The following FBLIM1 variants were observed in gnomAD, a reference collection of about 807,000 sequenced individuals.
The protein encoded by FBLIM1 is filamin-binding LIM protein 1.
FBLIM1 carries 29 observed loss-of-function variants against 37.4 expected under a neutral mutation model. That is an observed-to-expected ratio of 0.77 (90% confidence interval 0.58 to 1.06). The LOEUF is 1.06. Ranked by LOEUF, FBLIM1 falls within the 50% of genes least tolerant of loss-of-function variation. The probability of loss-of-function intolerance (pLI) is 0.00; values close to 1 mark genes in which losing one functional copy is unlikely to be tolerated. For missense variants in FBLIM1, 449 were observed against 505.6 expected (o/e 0.89, Z 1.07); for synonymous variants, 193 against 199.0 (o/e 0.97, Z 0.25).
In FBLIM1 at chr1:15,786,161, C is replaced by A. The variant is rs2069762605; in HGVS notation, c.*1500C>A. On this transcript the variant is annotated 3_prime_UTR_variant, in exon 9 of 9. Coordinates refer to ENST00000375766, the MANE Select transcript of FBLIM1 (RefSeq NM_017556.4). ...TCCTCAAGACCACACCTGGAAGATTCTTCTTCCCTTTGAAGGAGAATCATC... is the reference window on the plus strand; with the variant it reads ...TCCTCAAGACCACACCTGGAAGATTATTCTTCCCTTTGAAGGAGAATCATC... 1 of 152,274 alleles carries A rather than the reference C, an allele frequency of 6.6e-6. No homozygotes were observed. The highest frequency in any genetic ancestry group is 2.1e-4 in the South Asian group (1 of 4,832). 9.4% of individuals were successfully genotyped at this position (152,274 alleles called of 1,614,324 possible).
intron 6 of FBLIM1, among the ~76,000 whole-genome samples, chr1:15,773,477 G>A (rs897240874): frequency 4.6e-5 from 7 of 151,372 alleles, no homozygotes; most frequent in Admixed American, 1.3e-4. Flanking sequence ...TCAGGAGTTC[G>A]AGACCAGCCT....
At chr1:15,777,804 C>A (rs1447104002) in intron 8 of FBLIM1, among the ~76,000 whole-genome samples, 2 of 152,060 alleles carry the variant, frequency 1.3e-5, no homozygotes, top group African/African-American at 4.8e-5. Flanking sequence ...AACTCCTGAC[C>A]TCAGGTGATC....
rs763639019 is a variant in FBLIM1 at position 15,770,445 on chromosome 1, G to A, written c.578G>A (p.Arg193Gln). Residue 193 changes from arginine (R) to glutamine (Q), a missense_variant, in exon 6 of 9, where the codon CGA (arginine) becomes CAA (glutamine). Arg to Gln is a conservative substitution (Grantham distance 43). Coordinates refer to ENST00000375766, the MANE Select transcript of FBLIM1 (RefSeq NM_017556.4). ...CAFCHKTVSPRELAVEAMKRQ... is the reference protein window; with the variant it reads ...CAFCHKTVSPQELAVEAMKRQ... The stretch of plus-strand genomic sequence containing the variant: ...TTCTGCCACAAGACCGTGTCCCCCC[G>A]AGAGCTGGCTGTGGAGGCCATGAAG... The A allele has an allele frequency of 7.4e-6, 12 of 1,613,506 alleles. No homozygotes were observed. Among genetic ancestry groups the A allele is most frequent in the Non-Finnish European group, 1.0e-5 (12 of 1,179,962 alleles).
chr1:15,779,768 A>T (rs1339020688), intron 8 of FBLIM1, among the ~76,000 whole-genome samples: 4 of 152,208 alleles, frequency 2.6e-5, no homozygotes, highest in Admixed American at 2.6e-4. Flanking sequence ...AAGCTGGTGC[A>T]GTTGTCCCAG....
rs183876620 is a variant in FBLIM1 at position 15,774,027 on chromosome 1, C to A, written c.712-591C>A. On this transcript the variant is annotated intron_variant, in intron 6 of 8. Transcript: ENST00000375766. ...GCGCACACCTGTAGTCCCAGCTACT[C>A]AGGAGGCTGAGGCATGAGAATCACT... is the stretch of plus-strand genomic sequence containing the variant. Among the ~76,000 whole-genome samples the A allele has an allele frequency of 2.0e-3, 304 of 152,180 alleles. 2 individuals are homozygous for A. Among genetic ancestry groups the A allele is most frequent in the South Asian group, 0.012 (58 of 4,822 alleles).
At chr1:15,768,719 C>T (rs2069053079) in intron 5 of FBLIM1, 89 bp downstream of exon 5, 2 of 877,464 alleles carry the variant, frequency 2.3e-6, no homozygotes, top group Non-Finnish European at 3.3e-6. Flanking sequence ...GAGGACCCCT[C>T]TTCCCATCCC....
chr1:15,770,593 AG>A lies in FBLIM1; in HGVS notation c.711+16del. ...CCTGCTACCAGGTAACCCCTGCAGC[AG>A]ACCTCTGGGTGCCAGGCAGTGAGCT... On this transcript the variant is annotated intron_variant, in intron 6 of 8. Coordinates refer to ENST00000375766, the MANE Select transcript of FBLIM1 (RefSeq NM_017556.4). 1.2e-6 allele frequency: 2 copies of A among 1,612,378 alleles called. No homozygotes were observed. The highest frequency in any genetic ancestry group is 2.2e-5 in the South Asian group (2 of 91,062).
intron 8 of FBLIM1, among the ~76,000 whole-genome samples, chr1:15,783,569 CTTTTTTTTTTTTT>C (rs58141962): frequency 2.5e-5 from 2 of 81,258 alleles, no homozygotes; most frequent in Non-Finnish European, 2.3e-5. Flanking sequence ...AACTTACGTT[CTTTTTTTTTTTTT>C]TTTTTTTTTT....
upstream of FBLIM1, among the ~76,000 whole-genome samples, chr1:15,757,313 C>T (rs1335322937): frequency 6.6e-6 from 1 of 152,180 alleles, no homozygotes; most frequent in Non-Finnish European, 1.5e-5. The surrounding 1 kb of genome is among the most constrained non-coding windows in gnomAD (Gnocchi z 4.1). Context: ...TTGGCTCTGC[C>T]ATTTGCCCCT....
At chr1:15,776,009 C>G (rs1318476842) in intron 7 of FBLIM1, among the ~76,000 whole-genome samples, 1 of 152,118 alleles carries the variant, frequency 6.6e-6, no homozygotes, top group Non-Finnish European at 1.5e-5. Flanking sequence ...GAAAAAGGAA[C>G]AGGCAAAAGG....
chr1:15,770,426 CACAAGACCGTGTCCCCCCG>C lies in FBLIM1; in HGVS notation c.561_579del (p.His187GlnfsTer8). On this transcript the variant is annotated frameshift_variant, in exon 6 of 9. Transcript: ENST00000375766. LOFTEE classifies it high-confidence loss of function. ...TACCCCAGACATCTGTGCCTTCTGCCACAAGACCGTGTCCCCCCGAGAGCTGGCTGTGGAGGCCATGAAG... is the reference window on the plus strand; with the variant it reads ...TACCCCAGACATCTGTGCCTTCTGCCAGAGCTGGCTGTGGAGGCCATGAAG... 1 of 1,613,350 alleles carries C rather than the reference CACAAGACCGTGTCCCCCCG, an allele frequency of 6.2e-7. No homozygotes were observed. The highest frequency in any genetic ancestry group is 2.2e-5 in the East Asian group (1 of 44,876).
chr1:15,773,572 C>T (rs1394934877), intron 6 of FBLIM1, among the ~76,000 whole-genome samples: 6 of 144,992 alleles, frequency 4.1e-5, no homozygotes, highest in Non-Finnish European at 6.0e-5. Context: ...CCCACCTACT[C>T]GGGAGGCTGA....
intron 8 of FBLIM1, among the ~76,000 whole-genome samples, chr1:15,777,632 G>A (rs2069532100): frequency 1.4e-5 from 2 of 147,712 alleles, no homozygotes; most frequent in African/African-American, 5.0e-5. Flanking sequence ...GGAGCGAAGT[G>A]GTGCGATCTC....
At chr1:15,759,563 C>T (rs1043910481) in intron 1 of FBLIM1, among the ~76,000 whole-genome samples, 3 of 152,176 alleles carry the variant, frequency 2.0e-5, no homozygotes, top group African/African-American at 7.2e-5. Flanking sequence ...GAGCCCAGCC[C>T]CCGGGCTGCT....
intron 3 of FBLIM1, among the ~76,000 whole-genome samples, chr1:15,766,928 C>T (rs1175105184): frequency 8.6e-5 from 12 of 139,862 alleles, no homozygotes; most frequent in Non-Finnish European, 4.6e-5. Flanking sequence ...CTGGCTCTGT[C>T]ACCCAGGCTG....
chr1:15,760,252 G>A (rs2068604569), intron 1 of FBLIM1, among the ~76,000 whole-genome samples: 1 of 151,476 alleles, frequency 6.6e-6, no homozygotes, highest in Admixed American at 6.6e-5. Context: ...AGCTTAAGCC[G>A]GGTGTAGTGG....
At position 15,768,528 on chromosome 1, in the gene FBLIM1, G is replaced by A; in HGVS notation, c.439G>A (p.Ala147Thr). The A allele has an allele frequency of 6.4e-7, 1 of 1,569,542 alleles. No individual in the cohort carries two copies. The highest frequency in any genetic ancestry group is 1.4e-5 in the African/African-American group (1 of 73,176). The change falls in exon 5 of 9, where the codon GCC (alanine) becomes ACC (threonine). Residue 147 changes from alanine (A) to threonine (T), a missense_variant and splice_region_variant. Transcript: ENST00000375766. Reference sequence around the variant, plus strand: ...TGACTCCCCGTCTGCATCCCCACAGGCCCCAGCGGAGGGACCTTCAGTCCA... The same window carrying A: ...TGACTCCCCGTCTGCATCCCCACAGACCCCAGCGGAGGGACCTTCAGTCCA... ...HLSPPPPPPQ[A>T]PAEGPSVQPG...
chr1:15,762,807 C>T (rs141698741), intron 1 of FBLIM1, among the ~76,000 whole-genome samples: 242 of 152,342 alleles, frequency 1.6e-3, no homozygotes, highest in African/African-American at 5.7e-3. Flanking sequence ...GGGCTATCAT[C>T]GCTTTCGTCC....
At chr1:15,770,369 C>T (rs1363446847) in intron 5 of FBLIM1, 40 bp from the exon 6 acceptor site, 2 of 1,598,222 alleles carry the variant, frequency 1.3e-6, no homozygotes, top group Non-Finnish European at 8.5e-7. Context: ...ACAGTCCTCA[C>T]AGGCTGGGCT....
Sources: allele counts gnomAD v4.1 joint callset (sites outside exome capture counted in the v4.1 genomes callset), GRCh38; gene constraint gnomAD v4.1.1; non-coding constraint Gnocchi (gnomAD v3.1); transcripts MANE v1.5; gene names NCBI Gene and HGNC (gene_info 2026-07-23, HGNC 2026-07-21).